PISD: variants seen among roughly 807,000 people sequenced by gnomAD.
PISD encodes phosphatidylserine decarboxylase, also known as phosphatidylserine decarboxylase proenzyme, mitochondrial.
In PISD, 31 loss-of-function variants were observed where a neutral mutation model predicts 43.5. That is an observed-to-expected ratio of 0.71 (90% CI 0.54 to 0.96). PISD has a LOEUF of 0.96. Among genes scored for constraint, PISD ranks in the 40% least tolerant of loss-of-function variants. The pLI, the probability that PISD is intolerant of heterozygous loss-of-function variation, is 0.00. For missense variants in PISD, 523 were observed against 548.4 expected, an observed-to-expected ratio of 0.95 and a Z score of 0.46; for synonymous variants, 259 against 228.7, an observed-to-expected ratio of 1.13 and a Z score of -1.20.
intron 3 of PISD, chr22:31,626,031 C>G (rs1035496205): frequency 7.0e-7 from 1 of 1,431,834 alleles, no homozygotes; most frequent in East Asian, 2.5e-5. Flanking sequence ...TGCAGACAGA[C>G]AGGCACTGGT....
rs187908610 is a variant in PISD, at chr22:31,647,887, C to A, written c.321+214G>T. Reference sequence around the variant, plus strand: ...AACAGCAAGAAATTTCTACTCAGAACCCTTGGGGAGACCAGGGTAAGGTCT... The same window carrying A: ...AACAGCAAGAAATTTCTACTCAGAAACCTTGGGGAGACCAGGGTAAGGTCT... On this transcript the variant is annotated intron_variant, in intron 3 of 7. Coordinates refer to ENST00000439502, the MANE Select transcript of PISD (RefSeq NM_001326411.2). 3.2e-3 allele frequency among the ~76,000 whole-genome samples: 491 copies of A among 152,306 alleles called. 2 individuals are homozygous for A. Among genetic ancestry groups the A allele is most frequent in the African/African-American group, 0.011 (477 of 41,564 alleles).
rs186643998 is a variant in PISD at position 31,621,792 on chromosome 22, C to T, written c.415G>A (p.Val139Ile). The T allele has an allele frequency of 5.8e-5, 94 of 1,613,878 alleles. No homozygotes were observed. In the East Asian group the frequency reaches 6.2e-4, roughly 11 times the overall value. ...VELPHWLRRP[V>I]YSLYIWTFGV... ...AACGTCCAGATGTACAGGCTGTAGA[C>T]GGGCCTGCGCAGCCAGTGTGGCAGC... The change falls in exon 4 of 8, where the codon GTC becomes ATC. Residue 139 changes from valine (V) to isoleucine (I), a missense_variant. Val to Ile is a conservative substitution (Grantham distance 29). Transcript: ENST00000439502.
At chr22:31,635,008 A>G (rs1214012421) in intron 3 of PISD, among the ~76,000 whole-genome samples, 1 of 151,420 alleles carries the variant, frequency 6.6e-6, no homozygotes, top group Non-Finnish European at 1.5e-5. Flanking sequence ...CTCTACTAAA[A>G]ATACAAAATT....
rs1201601213 is a variant in PISD, at chr22:31,625,533, G to A, written c.322-3648C>T. ...GCAGGCATGAGGTCTGAGGCTCGCT[G>A]GCAGCCTCCCCCTGCTGGGCCCTCC... On this transcript the variant is annotated intron_variant, in intron 3 of 7. Coordinates refer to ENST00000439502, the MANE Select transcript of PISD (RefSeq NM_001326411.2). 6.6e-6 allele frequency: 4 copies of A among 602,070 alleles called. No individual in the cohort carries two copies. The East Asian group carries it at 8.3e-5, about 13-fold the overall frequency. The allele number at this position is 602,070 out of a possible 1,614,324, so 37.3% of individuals were successfully genotyped here. A position where few individuals can be genotyped will look rare whatever the true frequency, so the allele number is the denominator to read the frequency against.
intron 1 of PISD, among the ~76,000 whole-genome samples, chr22:31,653,931 T>C (rs9621305): frequency 0.071 from 10,885 of 152,290 alleles, 462 homozygotes; most frequent in South Asian, 0.18. Context: ...TTCATATGAA[T>C]GCTGTCATTT....
chr22:31,641,280 G>A lies in PISD; in HGVS notation c.321+6821C>T, dbSNP rs141044708. ...GAAGGCACTTTACCACTTTCTCTTC[G>A]GCAATCCAAATTGCCAGAATTGCTA... On this transcript the variant is annotated intron_variant, in intron 3 of 7. Transcript: ENST00000439502. 7.3e-5 allele frequency among the ~76,000 whole-genome samples: 11 copies of A among 151,690 alleles called. No individual in the cohort carries two copies. In the East Asian group the frequency reaches 1.5e-3, roughly 21 times the overall value.
chr22:31,625,976 C>T, intron 3 of PISD: 5 of 1,470,230 alleles, frequency 3.4e-6, no homozygotes, highest in South Asian at 2.7e-5. Flanking sequence ...GGGTTTGGTT[C>T]AGTCTCGGTG....
intron 3 of PISD, among the ~76,000 whole-genome samples, chr22:31,634,531 G>A (rs895124974): frequency 6.6e-6 from 1 of 152,256 alleles, no homozygotes; most frequent in Non-Finnish European, 1.5e-5. Context: ...GCAGACTGGG[G>A]TGGAATTCAG....
intron 1 of PISD, among the ~76,000 whole-genome samples, chr22:31,652,395 T>G (rs892768853): frequency 6.6e-6 from 1 of 151,626 alleles, no homozygotes; most frequent in South Asian, 2.1e-4. Context: ...CCCGCCAAAG[T>G]GCTGGGATTA....
intron 3 of PISD, among the ~76,000 whole-genome samples, chr22:31,640,040 GA>G (rs2073643049): frequency 6.6e-6 from 1 of 152,092 alleles, no homozygotes; most frequent in Non-Finnish European, 1.5e-5. Flanking sequence ...GCCACAGGTT[GA>G]ATCAGGGACT....
intron 3 of PISD, among the ~76,000 whole-genome samples, chr22:31,623,290 C>T (rs887312534): frequency 6.6e-6 from 1 of 152,248 alleles, no homozygotes; most frequent in Non-Finnish European, 1.5e-5. Flanking sequence ...TCCTGAACCA[C>T]CCCTTTGGCA....
At chr22:31,651,566 T>C (rs937940056) in intron 1 of PISD, among the ~76,000 whole-genome samples, 1 of 152,052 alleles carries the variant, frequency 6.6e-6, no homozygotes. Flanking sequence ...CTGACCAACA[T>C]GGAGAAACCC....
chr22:31,659,345 T>G (rs1386809839), intron 1 of PISD, among the ~76,000 whole-genome samples: 2 of 152,188 alleles, frequency 1.3e-5, no homozygotes, highest in Non-Finnish European at 2.9e-5. Context: ...TTTCAAATGT[T>G]TTTAATTTCT....
chr22:31,625,789 T>C (rs779267705), intron 3 of PISD: 11 of 1,598,626 alleles, frequency 6.9e-6, no homozygotes, highest in Non-Finnish European at 8.5e-6. Flanking sequence ...GCTCTGGTCC[T>C]TGCCGCGCCT....
Position 31,661,347 on chromosome 22 carries a change from T to C in PISD, c.65+797A>G, listed in dbSNP as rs79788237. On this transcript the variant is annotated intron_variant, in intron 1 of 7. Transcript: ENST00000439502. ...ACAAGTATGGCGCATCTCTCAAATCTTAGCTCTTTGAAATGACACCAGGCA... is the reference window on the plus strand; with the variant it reads ...ACAAGTATGGCGCATCTCTCAAATCCTAGCTCTTTGAAATGACACCAGGCA... 4.9e-3 allele frequency among the ~76,000 whole-genome samples: 745 copies of C among 152,164 alleles called. 5 individuals are homozygous for C. Among genetic ancestry groups the C allele is most frequent in the African/African-American group, 0.017 (707 of 41,472 alleles).
intron 3 of PISD, among the ~76,000 whole-genome samples, chr22:31,642,962 C>T (rs922230679): frequency 2.0e-5 from 3 of 151,106 alleles, no homozygotes; most frequent in Admixed American, 6.6e-5. Flanking sequence ...ATTAGCCAGG[C>T]GTGGTGGCAC....
chr22:31,626,542 C>T (rs2072918829), intron 3 of PISD, among the ~76,000 whole-genome samples: 1 of 152,228 alleles, frequency 6.6e-6, no homozygotes, highest in South Asian at 2.1e-4. Context: ...CACCAACACA[C>T]ACACAAAATA....
chr22:31,619,755 C>T lies in PISD; in HGVS notation c.1087G>A (p.Val363Ile), dbSNP rs199697700. 6.4e-5 allele frequency: 104 copies of T among 1,614,172 alleles called. 8 individuals carry two copies. In the South Asian group the frequency reaches 8.8e-4, roughly 14 times the overall value. Residue 363 changes from valine (V) to isoleucine (I), a missense_variant, in exon 8 of 8, where the codon GTC becomes ATC. Val to Ile is a conservative substitution (Grantham distance 29). Coordinates refer to ENST00000439502, the MANE Select transcript of PISD (RefSeq NM_001326411.2). ...SFVTHTNREG[V>I]PMRKGEHLGE... The stretch of plus-strand genomic sequence containing the variant: ...AGGTGCTCGCCCTTACGCATGGGGA[C>T]GCCCTCTCTATTGGTGTGCGTCACG...
In PISD at chr22:31,637,143, T is replaced by TTA. The variant is rs1556419492; in HGVS notation, c.321+10957_321+10958insTA. ...CAAAAAAAAATAATAATAAATAAAT[T>TTA]AAAAAAAAAAAAAAAAAAAAAATAT... On this transcript the variant is annotated intron_variant, in intron 3 of 7. Coordinates refer to ENST00000439502, the MANE Select transcript of PISD (RefSeq NM_001326411.2). Among the ~76,000 whole-genome samples, 9 of 31,606 alleles carry TTA rather than the reference T, an allele frequency of 2.8e-4. 1 individual carries two copies. The East Asian group carries it at 9.2e-3, about 32-fold the overall frequency. 20.7% of individuals were successfully genotyped at this position (31,606 alleles called of 152,430 possible).
Sources: allele counts gnomAD v4.1 joint callset (sites outside exome capture counted in the v4.1 genomes callset), GRCh38; gene constraint gnomAD v4.1.1; transcripts MANE v1.5; gene names NCBI Gene and HGNC (gene_info 2026-07-23, HGNC 2026-07-21).